MYT1L: variants seen among roughly 807,000 people sequenced by gnomAD.
MYT1L encodes the protein myelin transcription factor 1-like protein.
In MYT1L, 12 loss-of-function variants were observed where a neutral mutation model predicts 126.7. The ratio of observed to expected loss-of-function variants is 0.09; its 90% confidence interval spans 0.06 to 0.15. MYT1L has a LOEUF of 0.15. Among genes scored for constraint, MYT1L ranks in the 10% least tolerant of loss-of-function variants. The pLI is 1.00. For synonymous variants in MYT1L, 541 were observed against 604.2 expected, an observed-to-expected ratio of 0.90 and a Z score of 1.53; for missense variants, 979 against 1,585.2, an observed-to-expected ratio of 0.62 and a Z score of 6.49.
chr2:2,164,039 T>C (rs1355799150), intron 3 of MYT1L, among the ~76,000 whole-genome samples: 1 of 152,142 alleles, frequency 6.6e-6, no homozygotes, highest in Non-Finnish European at 1.5e-5. Context: ...TATAAAAGAA[T>C]ACATATAATT....
At position 1,867,748 on chromosome 2, in the gene MYT1L, T is replaced by C. The variant is rs1573022366; in HGVS notation, c.2712-16045A>G. Among the ~76,000 whole-genome samples the C allele has an allele frequency of 2.6e-5, 4 of 152,248 alleles. No homozygotes were observed. The South Asian group carries it at 8.3e-4, about 32-fold the overall frequency. On this transcript the variant is annotated intron_variant, in intron 18 of 24. Transcript: ENST00000647738. ...GCAATGAAAGTTTGCCGATTAGATA[T>C]AGATATGCTCATTAATGTGAATATG...
chr2:1,948,516 T>C (rs1031502619), intron 8 of MYT1L, among the ~76,000 whole-genome samples: 13 of 152,202 alleles, frequency 8.5e-5, no homozygotes, highest in African/African-American at 3.1e-4. Flanking sequence ...CTCCAAAGGT[T>C]TAGAATATTT....
chr2:2,084,940 C>A, intron 3 of MYT1L, among the ~76,000 whole-genome samples: 1 of 152,168 alleles, frequency 6.6e-6, no homozygotes, highest in South Asian at 2.1e-4. Context: ...TGACAAAGCC[C>A]ATCAGAGGCA....
At chr2:2,136,409 C>G (rs1316032969) in intron 3 of MYT1L, among the ~76,000 whole-genome samples, 2 of 152,126 alleles carry the variant, frequency 1.3e-5, no homozygotes, top group African/African-American at 4.8e-5. Context: ...ATTCTTCAAA[C>G]CAAGGCTGAG....
At chr2:2,281,958 T>C (rs900885366) in intron 2 of MYT1L, among the ~76,000 whole-genome samples, 1 of 152,242 alleles carries the variant, frequency 6.6e-6, no homozygotes, top group Admixed American at 6.5e-5. Context: ...GTTTCTGTAG[T>C]GCACTCTGGC....
intron 1 of MYT1L, among the ~76,000 whole-genome samples, chr2:2,299,131 C>T (rs1442499539): frequency 2.0e-5 from 3 of 152,214 alleles, no homozygotes; most frequent in South Asian, 2.1e-4. Flanking sequence ...GGATTACAGG[C>T]GTGAGCCACC....
At chr2:2,184,758 GTGA>G (rs1314169313) in intron 2 of MYT1L, among the ~76,000 whole-genome samples, 2 of 152,140 alleles carry the variant, frequency 1.3e-5, no homozygotes, top group Non-Finnish European at 2.9e-5. Context: ...TTCTCTTCCT[GTGA>G]TGATATAAGC....
chr2:2,272,619 C>G (rs1038731289), intron 2 of MYT1L, among the ~76,000 whole-genome samples: 1 of 152,168 alleles, frequency 6.6e-6, no homozygotes, highest in Admixed American at 6.5e-5. Flanking sequence ...AATATCATCT[C>G]CAGCATAGGT....
intron 13 of MYT1L, among the ~76,000 whole-genome samples, chr2:1,907,808 C>A (rs959310684): frequency 1.3e-5 from 2 of 152,396 alleles, no homozygotes; most frequent in Admixed American, 1.3e-4. Flanking sequence ...TACATGGAGA[C>A]CCTGTGGGGA....
At chr2:1,897,945 T>C (rs2049835936) in intron 14 of MYT1L, among the ~76,000 whole-genome samples, 1 of 152,200 alleles carries the variant, frequency 6.6e-6, no homozygotes, top group Admixed American at 6.5e-5. Flanking sequence ...AAAATACCTC[T>C]TCAACTATTC....
intron 2 of MYT1L, among the ~76,000 whole-genome samples, chr2:2,205,673 G>A (rs1365819627): frequency 1.3e-5 from 2 of 152,096 alleles, no homozygotes; most frequent in Admixed American, 1.3e-4. Context: ...TCTAGAACTT[G>A]CAAATGCCTT....
intron 13 of MYT1L, among the ~76,000 whole-genome samples, chr2:1,906,580 T>A (rs2051090201): frequency 6.6e-6 from 1 of 152,172 alleles, no homozygotes; most frequent in African/African-American, 2.4e-5. Context: ...TCCAATTATA[T>A]ATATGTAAAT....
intron 15 of MYT1L, among the ~76,000 whole-genome samples, chr2:1,891,652 C>G (rs1291992874): frequency 6.6e-6 from 1 of 152,166 alleles, no homozygotes; most frequent in Non-Finnish European, 1.5e-5. Flanking sequence ...ATGGTGCTAG[C>G]AGAACTTCCT....
At chr2:1,881,882 T>C (rs1466138136) in intron 18 of MYT1L, among the ~76,000 whole-genome samples, 3 of 152,190 alleles carry the variant, frequency 2.0e-5, no homozygotes, top group Non-Finnish European at 4.4e-5. Flanking sequence ...GTGTTATTAA[T>C]GATTGAGGAG....
At chr2:1,795,876 C>A (rs1287857024) in intron 23 of MYT1L, 1 of 152,252 alleles carries the variant, frequency 6.6e-6, no homozygotes, top group Non-Finnish European at 1.5e-5. Flanking sequence ...CGCATTTTTA[C>A]AGACTTGTCC....
intron 2 of MYT1L, among the ~76,000 whole-genome samples, chr2:2,183,372 G>A (rs1463642810): frequency 6.6e-6 from 1 of 152,112 alleles, no homozygotes; most frequent in Non-Finnish European, 1.5e-5. Context: ...TCCCACGGGA[G>A]GGGAGGAGAG....
Position 1,910,277 on chromosome 2 carries a change from C to T in MYT1L, c.1780G>A (p.Val594Met), listed in dbSNP as rs1178273989. The change falls in exon 13 of 25, where the codon GTG becomes ATG. Residue 594 changes from valine to methionine, a missense_variant. Val to Met is a conservative substitution (Grantham distance 21). Transcript: ENST00000647738. The surrounding 1 kb of genome is among the most constrained non-coding windows in gnomAD (Gnocchi z 4.8). ...TCCGAGGCCTGGCTGGACTTGGACA[C>T]GTCGCAGCTCTGGTGCTTTTCCTGT... ...KAQEKHQSCD[V>M]SKSSQASDRV... 13 of 1,613,280 alleles carry T rather than the reference C, an allele frequency of 8.1e-6. No homozygotes were observed. The highest frequency in any genetic ancestry group is 5.5e-5 in the South Asian group (5 of 91,082).
chr2:2,217,216 G>A (rs1402244726), intron 2 of MYT1L, among the ~76,000 whole-genome samples: 1 of 152,066 alleles, frequency 6.6e-6, no homozygotes, highest in Non-Finnish European at 1.5e-5. Context: ...AGATAAGAAA[G>A]TCACAGACAA....
chr2:2,021,448 C>T (rs1406663556), intron 4 of MYT1L, among the ~76,000 whole-genome samples: 1 of 152,094 alleles, frequency 6.6e-6, no homozygotes, highest in African/African-American at 2.4e-5. Flanking sequence ...GGGCCTAGTC[C>T]TTTCTGTTCT....
Sources: allele counts gnomAD v4.1 joint callset (sites outside exome capture counted in the v4.1 genomes callset), GRCh38; gene constraint gnomAD v4.1.1; non-coding constraint Gnocchi (gnomAD v3.1); transcripts MANE v1.5; gene names NCBI Gene and HGNC (gene_info 2026-07-23, HGNC 2026-07-21).